CDS1: variants seen among roughly 807,000 people sequenced by gnomAD.
CDS1 encodes CDP-diacylglycerol synthase 1, also known as phosphatidate cytidylyltransferase 1.
A neutral mutation model predicts 62.1 loss-of-function variants in CDS1; 41 were observed. The observed-to-expected ratio is 0.66, with a 90% confidence interval of 0.51 to 0.86. The LOEUF is 0.86. Among genes scored for constraint, CDS1 ranks in the 40% least tolerant of loss-of-function variants. CDS1 has a pLI of 0.00. For missense variants in CDS1, 470 were observed against 550.1 expected (o/e 0.85, Z 1.46); for synonymous variants, 185 against 192.6 (o/e 0.96, Z 0.32).
intron 3 of CDS1, among the ~76,000 whole-genome samples, chr4:84,615,179 T>C (rs1723449577): frequency 6.6e-6 from 1 of 152,056 alleles, no homozygotes; most frequent in Non-Finnish European, 1.5e-5. Context: ...TTATTTTGTG[T>C]TCCCTTTTCT....
rs1722308557 is a variant in CDS1, at chr4:84,583,339, C to T, written c.-63C>T. The stretch of plus-strand genomic sequence containing the variant: ...TGGCGGGGCGCCCCGCCTGCAGAAC[C>T]CTGCTTGCAGCTCAGGTTTCGGGGT... On this transcript the variant is annotated 5_prime_UTR_variant, in exon 1 of 13. Transcript: ENST00000295887. The T allele has an allele frequency of 3.1e-6, 4 of 1,274,218 alleles. No homozygotes were observed. The South Asian group carries it at 3.7e-5, about 12-fold the overall frequency. The allele number at this position is 1,274,218 out of a possible 1,614,324, so 78.9% of individuals were successfully genotyped here.
At chr4:84,583,627 G>A (rs1478192949) in intron 1 of CDS1, 109 bp downstream of exon 1, 5 of 613,540 alleles carry the variant, frequency 8.1e-6, no homozygotes, top group Non-Finnish European at 1.4e-5. Context: ...GAGGCTGCAC[G>A]CTGCCGGTGC....
chr4:84,633,998 A>G, intron 7 of CDS1, 59 bp downstream of exon 7: 2 of 943,092 alleles, frequency 2.1e-6, no homozygotes, highest in Non-Finnish European at 3.3e-6. Context: ...ATAGTTCTTT[A>G]ACGTTGGATA....
At chr4:84,587,542 A>G (rs560170039) in intron 1 of CDS1, among the ~76,000 whole-genome samples, 1 of 152,332 alleles carries the variant, frequency 6.6e-6, no homozygotes, top group African/African-American at 2.4e-5. Flanking sequence ...GTGGATGACC[A>G]CAGATTCAGG....
intron 1 of CDS1, among the ~76,000 whole-genome samples, chr4:84,596,112 C>G (rs1470444747): frequency 6.6e-6 from 1 of 152,176 alleles, no homozygotes; most frequent in Non-Finnish European, 1.5e-5. Context: ...TCAGCACATA[C>G]TCACCAAGCT....
At position 84,619,509 on chromosome 4, in the gene CDS1, A is replaced by G. The variant is rs1256469950; in HGVS notation, c.556A>G (p.Ile186Val). 1.3e-6 allele frequency: 2 copies of G among 1,598,882 alleles called. No individual in the cohort carries two copies. Among genetic ancestry groups the G allele is most frequent in the East Asian group, 2.2e-5 (1 of 44,558 alleles). Residue 186 changes from isoleucine to valine, a missense_variant, in exon 5 of 13, where the codon ATA (isoleucine) becomes GTA (valine). Physicochemically the swap from Ile to Val is conservative, Grantham distance 29. This residue lies in a region of CDS1 where 214 missense variants were observed against 242.4 expected (regional missense o/e 0.88). Transcript: ENST00000295887. ...LQFLIRYHRF[I>V]SFALYLAGFC... ...GTTCCTCATTCGCTACCATAGATTT[A>G]TATCATTTGCCCTCTATCTGGCAGG...
chr4:84,631,496 C>T (rs527427069), intron 5 of CDS1, among the ~76,000 whole-genome samples: 26 of 152,204 alleles, frequency 1.7e-4, no homozygotes, highest in African/African-American at 5.5e-4. Flanking sequence ...ATTGTTATAG[C>T]AAATAAATAC....
At chr4:84,635,620 TGCCTGCCTTCCTTCCTTCCTTCC>T (rs1724167576) in intron 8 of CDS1, among the ~76,000 whole-genome samples, 4 of 106,386 alleles carry the variant, frequency 3.8e-5, no homozygotes, top group East Asian at 2.9e-4. Context: ...CCTGCCTGCC[TGCCTGCCTTCCTTCCTTCCTTCC>T]TTCCTTCCTT....
At chr4:84,627,100 G>C (rs1196355708) in intron 5 of CDS1, among the ~76,000 whole-genome samples, 1 of 152,168 alleles carries the variant, frequency 6.6e-6, no homozygotes. Context: ...AATATTCCAA[G>C]TGCCCTGTGA....
intron 1 of CDS1, among the ~76,000 whole-genome samples, chr4:84,599,393 GACAC>G (rs372134066): frequency 0.018 from 955 of 53,050 alleles, 15 homozygotes; most frequent in South Asian, 0.024. Flanking sequence ...GGCAAATTTT[GACAC>G]ACACACACAT....
At chr4:84,635,231 TC>T (rs1213517618) in intron 7 of CDS1, 32 bp from the exon 8 acceptor site, 2 of 1,183,788 alleles carry the variant, frequency 1.7e-6, no homozygotes, top group African/African-American at 3.1e-5. Context: ...TGAACTTTTT[TC>T]TGCTGACTTT....
At chr4:84,622,828 T>G (rs538848500) in intron 5 of CDS1, among the ~76,000 whole-genome samples, 82 of 152,224 alleles carry the variant, frequency 5.4e-4, no homozygotes, top group African/African-American at 1.8e-3. Context: ...ACTTTACTTC[T>G]TCATATTCAG....
In CDS1 at chr4:84,645,322, T is replaced by C; in HGVS notation, c.1253T>C (p.Ile418Thr). The C allele has an allele frequency of 6.4e-7, 1 of 1,564,090 alleles. No homozygotes were observed. Among genetic ancestry groups the C allele is most frequent in the Non-Finnish European group, 8.8e-7 (1 of 1,135,350 alleles). Residue 418 changes from isoleucine (I) to threonine (T), a missense_variant, in exon 12 of 13, where the codon ATA (isoleucine) becomes ACA (threonine). By Grantham distance (89) the Ile-to-Thr change is moderately conservative. This residue lies in a region of CDS1 where 68 missense variants were observed against 81.5 expected (regional missense o/e 0.83). Transcript: ENST00000295887. Reference protein sequence around the residue: ...TFVHVYITSFIRGPNPSKVLQ... With the variant: ...TFVHVYITSFTRGPNPSKVLQ... ...GTACATGTGTACATCACAAGTTTTA[T>C]AAGGTACTTTTACACTTGAGACATT...
chr4:84,630,995 C>G (rs1438171620), intron 5 of CDS1, among the ~76,000 whole-genome samples: 1 of 152,028 alleles, frequency 6.6e-6, no homozygotes, highest in Non-Finnish European at 1.5e-5. Context: ...CTAGATTTCA[C>G]TTAATTGGTT....
At chr4:84,603,851 C>G (rs990733692) in intron 1 of CDS1, among the ~76,000 whole-genome samples, 4 of 152,184 alleles carry the variant, frequency 2.6e-5, no homozygotes, top group Non-Finnish European at 4.4e-5. Context: ...TAAGATATTA[C>G]TCTTACTGTT....
intron 1 of CDS1, among the ~76,000 whole-genome samples, chr4:84,592,776 G>A (rs940861554): frequency 6.6e-6 from 1 of 152,160 alleles, no homozygotes; most frequent in African/African-American, 2.4e-5. Flanking sequence ...CCTGGCTATG[G>A]TTGTAGTTCC....
chr4:84,630,476 G>A (rs1255347763), intron 5 of CDS1, among the ~76,000 whole-genome samples: 1 of 152,146 alleles, frequency 6.6e-6, no homozygotes, highest in East Asian at 1.9e-4. Context: ...CAAAAGTAGC[G>A]AAAGGCAGCT....
rs772879902 is a variant in CDS1 at position 84,609,476 on chromosome 4, CGTT to C, written c.297_299del (p.Leu99del). ...GGAATTCTCACTCTAACTATGATCT[CGTT>C]GTTTTTCCTGATCATCTATATGGGA... On this transcript the variant is annotated inframe_deletion, in exon 3 of 13. Transcript: ENST00000295887. 2 of 1,611,952 alleles carry C rather than the reference CGTT, an allele frequency of 1.2e-6. No homozygotes were observed. Among genetic ancestry groups the C allele is most frequent in the Non-Finnish European group, 1.7e-6 (2 of 1,178,318 alleles).
intron 1 of CDS1, among the ~76,000 whole-genome samples, chr4:84,591,112 T>C (rs1399028571): frequency 6.6e-6 from 1 of 152,228 alleles, no homozygotes; most frequent in Non-Finnish European, 1.5e-5. Flanking sequence ...CAATTTAATG[T>C]CCTCTGGAAA....
Sources: gnomAD v4.1 joint callset for allele counts (sites outside exome capture counted in the v4.1 genomes callset) on GRCh38, gnomAD v4.1.1 for gene constraint, gnomAD v4.1.1 regional missense constraint, MANE v1.5 for transcripts, NCBI Gene and HGNC (gene_info 2026-07-23, HGNC 2026-07-21) for gene names.